RAB5C: variants seen among roughly 807,000 people sequenced by gnomAD.
The protein encoded by RAB5C is ras-related protein Rab-5C.
In RAB5C, 4 loss-of-function variants were observed where a neutral mutation model predicts 25.2. That is an observed-to-expected ratio of 0.16 (90% CI 0.08 to 0.36). RAB5C has a LOEUF of 0.36. Ranked by LOEUF, RAB5C falls within the 10% of genes least tolerant of loss-of-function variation. The pLI, the probability that RAB5C is intolerant of heterozygous loss-of-function variation, is 1.00. For missense variants in RAB5C, 199 were observed against 283.8 expected (o/e 0.70, Z 2.15); for synonymous variants, 100 against 106.4 (o/e 0.94, Z 0.37).
intron 1 of RAB5C, among the ~76,000 whole-genome samples, chr17:42,140,227 C>T (rs554173810): frequency 6.6e-6 from 1 of 152,190 alleles, no homozygotes; most frequent in African/African-American, 2.4e-5. Flanking sequence ...TTACAAATAA[C>T]AGAAAACAAA....
intron 1 of RAB5C, among the ~76,000 whole-genome samples, chr17:42,140,780 C>T (rs772298501): frequency 2.0e-5 from 3 of 152,036 alleles, no homozygotes; most frequent in Non-Finnish European, 4.4e-5. Flanking sequence ...CCTGCCTCAG[C>T]CTCCCAAAGT....
chr17:42,132,745 G>A (rs1568019978), intron 1 of RAB5C, among the ~76,000 whole-genome samples: 1 of 151,886 alleles, frequency 6.6e-6, no homozygotes, highest in African/African-American at 2.4e-5. Flanking sequence ...TGTTGCCCAG[G>A]CTGGTCTCCA....
At chr17:42,144,211 C>T (rs1490464545) in intron 1 of RAB5C, among the ~76,000 whole-genome samples, 3 of 151,970 alleles carry the variant, frequency 2.0e-5, no homozygotes, top group Admixed American at 1.3e-4. Flanking sequence ...AATCCCAGCA[C>T]TTTGGGAGGC....
At chr17:42,147,863 G>A (rs947826104) in intron 1 of RAB5C, among the ~76,000 whole-genome samples, 1 of 152,208 alleles carries the variant, frequency 6.6e-6, no homozygotes, top group Non-Finnish European at 1.5e-5. Context: ...TTGGGAGGCC[G>A]AGGCGGGTGG....
intron 1 of RAB5C, among the ~76,000 whole-genome samples, chr17:42,152,671 C>G (rs1466947119): frequency 1.3e-5 from 2 of 151,446 alleles, no homozygotes; most frequent in Admixed American, 1.3e-4. Flanking sequence ...CTCAGCTACT[C>G]AGGAGGCTGA....
In RAB5C at chr17:42,140,529, T is replaced by A. The variant is rs1206277590; in HGVS notation, c.-88-9939A>T. ...TATATATATATATTTTTTTTTTTTT[T>A]TTTTTTTTTTTTGAGATGGAGTCTC... On this transcript the variant is annotated intron_variant, in intron 1 of 5. Coordinates refer to ENST00000346213, the MANE Select transcript of RAB5C (RefSeq NM_004583.4). 1.7e-3 allele frequency among the ~76,000 whole-genome samples: 189 copies of A among 110,056 alleles called. 3 individuals carry two copies. Among genetic ancestry groups the A allele is most frequent in the African/African-American group, 7.2e-3 (183 of 25,332 alleles). The allele number at this position is 110,056 out of a possible 152,430, so 72.2% of individuals were successfully genotyped here.
chr17:42,138,835 T>C (rs1484853504), intron 1 of RAB5C, among the ~76,000 whole-genome samples: 1 of 152,220 alleles, frequency 6.6e-6, no homozygotes, highest in Non-Finnish European at 1.5e-5. Flanking sequence ...CCTGGAACTT[T>C]GCTGAAGTCA....
intron 1 of RAB5C, among the ~76,000 whole-genome samples, chr17:42,140,768 C>T (rs531499196): frequency 3.3e-5 from 5 of 151,994 alleles, no homozygotes; most frequent in East Asian, 1.9e-4. Context: ...TCAGGTGATC[C>T]GCCTGCCTCA....
chr17:42,141,607 TCCTC>T (rs1356177230), intron 1 of RAB5C, among the ~76,000 whole-genome samples: 1 of 152,154 alleles, frequency 6.6e-6, no homozygotes, highest in African/African-American at 2.4e-5. Flanking sequence ...AGGGAGGACT[TCCTC>T]CATCCCTACT....
intron 1 of RAB5C, among the ~76,000 whole-genome samples, chr17:42,139,532 G>A (rs906472797): frequency 2.6e-5 from 4 of 152,116 alleles, no homozygotes; most frequent in African/African-American, 4.8e-5. Flanking sequence ...GCGTGATCTC[G>A]GCTCACTGCA....
At chr17:42,133,938 G>T (rs145181083) in intron 1 of RAB5C, among the ~76,000 whole-genome samples, 20 of 152,298 alleles carry the variant, frequency 1.3e-4, no homozygotes, top group African/African-American at 4.3e-4. Context: ...GACATGTTCT[G>T]CCTGGTCACT....
intron 1 of RAB5C, among the ~76,000 whole-genome samples, chr17:42,137,305 C>CAAAA (rs987824553): frequency 7.6e-5 from 8 of 105,322 alleles, no homozygotes; most frequent in Admixed American, 2.1e-4. Context: ...GACACTGTCT[C>CAAAA]AAAAAAAAGA....
intron 1 of RAB5C, among the ~76,000 whole-genome samples, chr17:42,144,799 C>G (rs975429037): frequency 1.3e-5 from 2 of 151,458 alleles, no homozygotes; most frequent in Non-Finnish European, 3.0e-5. Context: ...TGGTGGCGGG[C>G]GCCTGTAGTC....
intron 1 of RAB5C, among the ~76,000 whole-genome samples, chr17:42,147,802 A>G (rs2079646406): frequency 6.6e-6 from 1 of 152,244 alleles, no homozygotes; most frequent in Non-Finnish European, 1.5e-5. Flanking sequence ...GTGTGTTAAA[A>G]GAAGTGGGCG....
chr17:42,140,436 G>T (rs2054580720), intron 1 of RAB5C, among the ~76,000 whole-genome samples: 1 of 147,364 alleles, frequency 6.8e-6, no homozygotes, highest in African/African-American at 2.5e-5. Context: ...AGACCTGAGG[G>T]ACGATGGCTA....
intron 1 of RAB5C, among the ~76,000 whole-genome samples, chr17:42,134,321 G>A (rs2054514969): frequency 6.6e-6 from 1 of 152,174 alleles, no homozygotes; most frequent in South Asian, 2.1e-4. Context: ...TGTGCAGTCA[G>A]GTGATGGAAT....
chr17:42,130,614 C>CTGA, intron 1 of RAB5C, 24 bp from the exon 2 acceptor site: 1 of 1,531,296 alleles, frequency 6.5e-7, no homozygotes. Flanking sequence ...ATGAGAAGTA[C>CTGA]TGAGTTAGTT....
chr17:42,125,962 G>T, intron 5 of RAB5C, 64 bp from the exon 6 acceptor site: 1 of 1,294,596 alleles, frequency 7.7e-7, no homozygotes, highest in Non-Finnish European at 1.1e-6. Context: ...AGTTCCACTG[G>T]AGCAGATTCT....
At chr17:42,150,978 C>G (rs1396983468) in intron 1 of RAB5C, among the ~76,000 whole-genome samples, 2 of 152,138 alleles carry the variant, frequency 1.3e-5, no homozygotes, top group African/African-American at 4.8e-5. Flanking sequence ...ATTTAGCATC[C>G]CCATTTTACC....
Sources: gnomAD v4.1 joint callset for allele counts (sites outside exome capture counted in the v4.1 genomes callset) on GRCh38, gnomAD v4.1.1 for gene constraint, MANE v1.5 for transcripts, NCBI Gene and HGNC (gene_info 2026-07-23, HGNC 2026-07-21) for gene names.